Variants in CCDC171 observed in about 807,000 individuals in gnomAD.
CCDC171 encodes the protein coiled-coil domain containing 171.
A neutral mutation model predicts 168.2 loss-of-function variants in CCDC171; 177 were observed. That is an observed-to-expected ratio of 1.05 (90% CI 0.93 to 1.19). CCDC171 has a LOEUF of 1.19. Among genes scored for constraint, CCDC171 ranks in the 50% most tolerant of loss-of-function variants. The probability of loss-of-function intolerance (pLI) is 0.00; values close to 1 mark genes in which losing one functional copy is unlikely to be tolerated. For missense variants in CCDC171, 1,991 were observed against 1,539.0 expected (o/e 1.29, Z -4.91); for synonymous variants, 687 against 540.8 (o/e 1.27, Z -3.75).
intron 21 of CCDC171, among the ~76,000 whole-genome samples, chr9:15,838,536 A>G (rs1006944688): frequency 1.3e-5 from 2 of 152,234 alleles, no homozygotes; most frequent in African/African-American, 4.8e-5. Flanking sequence ...TTTCTTTAAA[A>G]AAATCTTCCA....
At chr9:15,657,456 TTTGTC>T (rs749343351) in intron 8 of CCDC171, among the ~76,000 whole-genome samples, 4 of 152,170 alleles carry the variant, frequency 2.6e-5, no homozygotes, top group Non-Finnish European at 5.9e-5. Context: ...CTTGTGAAGT[TTTGTC>T]TTGTCCATAG....
intron 18 of CCDC171, among the ~76,000 whole-genome samples, chr9:15,746,579 A>G (rs1435656725): frequency 6.6e-6 from 1 of 152,246 alleles, no homozygotes; most frequent in Non-Finnish European, 1.5e-5. Flanking sequence ...CATTCTTGAA[A>G]GAGCTTAGAA....
chr9:15,629,967 A>T (rs910487158), intron 7 of CCDC171, among the ~76,000 whole-genome samples: 1 of 152,224 alleles, frequency 6.6e-6, no homozygotes, highest in Non-Finnish European at 1.5e-5. Context: ...CTTTACAGAA[A>T]AGCAAATGCT....
chr9:15,791,231 A>G (rs1243443513), intron 21 of CCDC171, among the ~76,000 whole-genome samples: 1 of 152,192 alleles, frequency 6.6e-6, no homozygotes, highest in Admixed American at 6.6e-5. Flanking sequence ...ATCCATGAGC[A>G]TGGAATGTTC....
chr9:15,613,190 T>TC (rs1438772686), intron 6 of CCDC171, among the ~76,000 whole-genome samples: 1 of 152,194 alleles, frequency 6.6e-6, no homozygotes, highest in African/African-American at 2.4e-5. Context: ...AGTTCCAGTT[T>TC]CTCTACGTCT....
At chr9:15,606,251 C>T (rs971135308) in intron 6 of CCDC171, among the ~76,000 whole-genome samples, 1 of 152,186 alleles carries the variant, frequency 6.6e-6, no homozygotes, top group Non-Finnish European at 1.5e-5. Context: ...TCAGTAATCT[C>T]TTATTGATGC....
chr9:15,870,140 A>G (rs1243077000), intron 23 of CCDC171, among the ~76,000 whole-genome samples: 2 of 151,648 alleles, frequency 1.3e-5, no homozygotes, highest in Non-Finnish European at 2.9e-5. Flanking sequence ...AGTGGGCTGG[A>G]TTTGGTTCTC....
chr9:16,015,926 T>C (rs576318319), intron 3 of CCDC171, among the ~76,000 whole-genome samples: 1 of 152,372 alleles, frequency 6.6e-6, no homozygotes, highest in South Asian at 2.1e-4. Flanking sequence ...GGTTCATTCG[T>C]GTTGTAGCGT....
intron 16 of CCDC171, among the ~76,000 whole-genome samples, chr9:15,731,881 G>C (rs1228829594): frequency 6.6e-6 from 1 of 151,918 alleles, no homozygotes; most frequent in Non-Finnish European, 1.5e-5. Flanking sequence ...TTAAATTTTA[G>C]TCATTATAGT....
chr9:15,633,135 C>T (rs144879083), intron 7 of CCDC171, among the ~76,000 whole-genome samples: 89 of 152,200 alleles, frequency 5.8e-4, no homozygotes, highest in African/African-American at 2.0e-3. Context: ...GTCTGAAACA[C>T]CAAAAGCAAT....
At chr9:15,642,445 G>C (rs2046715569) in intron 7 of CCDC171, among the ~76,000 whole-genome samples, 1 of 147,898 alleles carries the variant, frequency 6.8e-6, no homozygotes, top group Non-Finnish European at 1.5e-5. Flanking sequence ...CATTAGGATT[G>C]GATGCCTATG....
downstream of CCDC171, among the ~76,000 whole-genome samples, chr9:15,974,788 C>T (rs1831570541): frequency 6.6e-6 from 1 of 152,152 alleles, no homozygotes; most frequent in South Asian, 2.1e-4. Flanking sequence ...CTTAGCAACT[C>T]TATTTCCTAT....
intron 4 of CCDC171, among the ~76,000 whole-genome samples, chr9:15,587,892 T>C (rs553725902): frequency 2.0e-5 from 3 of 152,236 alleles, no homozygotes; most frequent in African/African-American, 7.2e-5. Flanking sequence ...AGAATATATT[T>C]CATCTATGAA....
intron 7 of CCDC171, among the ~76,000 whole-genome samples, chr9:15,649,776 T>C (rs1245505052): frequency 1.3e-5 from 2 of 152,118 alleles, no homozygotes; most frequent in Non-Finnish European, 2.9e-5. Flanking sequence ...TGTGGAGAAA[T>C]AGGAGCATTT....
intron 6 of CCDC171, among the ~76,000 whole-genome samples, chr9:15,615,218 T>C (rs1564055621): frequency 6.6e-6 from 1 of 151,824 alleles, no homozygotes; most frequent in Non-Finnish European, 1.5e-5. Flanking sequence ...CATTAGAAAA[T>C]CAATCAATAT....
intron 25 of CCDC171, among the ~76,000 whole-genome samples, chr9:15,954,523 T>C (rs1457002208): frequency 6.6e-6 from 1 of 152,016 alleles, no homozygotes; most frequent in Non-Finnish European, 1.5e-5. Flanking sequence ...AGTACATTCT[T>C]TTCATTCTAG....
chr9:15,722,086 A>C (rs946341254), intron 12 of CCDC171, among the ~76,000 whole-genome samples: 2 of 152,206 alleles, frequency 1.3e-5, no homozygotes, highest in Admixed American at 1.3e-4. Context: ...CAGTCACACT[A>C]TTATTTTCAA....
intron 16 of CCDC171, among the ~76,000 whole-genome samples, chr9:15,741,513 GTTTA>G (rs1412100906): frequency 3.9e-5 from 6 of 151,998 alleles, no homozygotes; most frequent in Non-Finnish European, 7.4e-5. Flanking sequence ...ACCACATTTT[GTTTA>G]TTCATTCATC....
intron 15 of CCDC171, among the ~76,000 whole-genome samples, chr9:15,729,077 G>T (rs2053996077): frequency 6.6e-6 from 1 of 152,056 alleles, no homozygotes; most frequent in Admixed American, 6.6e-5. Context: ...TAAAATGAAT[G>T]TGTTTTAACC....
Sources: allele counts gnomAD v4.1 joint callset (sites outside exome capture counted in the v4.1 genomes callset), GRCh38; gene constraint gnomAD v4.1.1; transcripts MANE v1.5; gene names NCBI Gene and HGNC (gene_info 2026-07-23, HGNC 2026-07-21).